Variants in PLA2G4A observed in about 807,000 individuals in gnomAD.
PLA2G4A encodes phospholipase A2 group IVA, also known as cytosolic phospholipase A2.
A neutral mutation model predicts 81.9 loss-of-function variants in PLA2G4A; 40 were observed. The ratio of observed to expected loss-of-function variants is 0.49; its 90% confidence interval spans 0.38 to 0.64. The LOEUF is 0.64. Among genes scored for constraint, PLA2G4A ranks in the 30% least tolerant of loss-of-function variants. PLA2G4A has a pLI of 0.00. For synonymous variants in PLA2G4A, 302 were observed against 296.9 expected, an observed-to-expected ratio of 1.02 and a Z score of -0.18; for missense variants, 715 against 905.1, an observed-to-expected ratio of 0.79 and a Z score of 2.69.
At chr1:186,893,916 CT>C (rs1403445080) in intron 4 of PLA2G4A, among the ~76,000 whole-genome samples, 181 bp from the exon 5 acceptor site, 1 of 70,912 alleles carries the variant, frequency 1.4e-5, no homozygotes, top group Non-Finnish European at 3.5e-5. Flanking sequence ...GAGACCCTGT[CT>C]CAAAAAAAAA....
chr1:186,899,015 C>T (rs974712768), intron 5 of PLA2G4A, among the ~76,000 whole-genome samples: 2 of 152,128 alleles, frequency 1.3e-5, no homozygotes, highest in Non-Finnish European at 2.9e-5. Flanking sequence ...AATCCCTACC[C>T]TCAGGAAACT....
At chr1:186,942,189 T>C (rs2102224399) in intron 10 of PLA2G4A, among the ~76,000 whole-genome samples, 1 of 152,268 alleles carries the variant, frequency 6.6e-6, no homozygotes, top group African/African-American at 2.4e-5. Context: ...GGGTTCATAG[T>C]AGAGAGTTGA....
intron 7 of PLA2G4A, among the ~76,000 whole-genome samples, chr1:186,913,996 T>C (rs1655053228): frequency 6.6e-6 from 1 of 152,196 alleles, no homozygotes; most frequent in African/African-American, 2.4e-5. Context: ...TTAAGGGGAA[T>C]TTTTGCTTAA....
chr1:186,874,730 A>G (rs990686708), intron 3 of PLA2G4A, among the ~76,000 whole-genome samples: 2 of 151,990 alleles, frequency 1.3e-5, no homozygotes, highest in African/African-American at 4.8e-5. Context: ...TCACATTTAT[A>G]CTCTAATAAA....
intron 1 of PLA2G4A, among the ~76,000 whole-genome samples, chr1:186,837,755 AAAAG>A (rs1553267330): frequency 6.8e-6 from 1 of 147,430 alleles, no homozygotes. Flanking sequence ...AAAAAAAAGA[AAAAG>A]AAAAGAAAAA....
intron 17 of PLA2G4A, among the ~76,000 whole-genome samples, chr1:186,986,284 A>G (rs1657889350): frequency 6.6e-6 from 1 of 152,174 alleles, no homozygotes; most frequent in Non-Finnish European, 1.5e-5. Flanking sequence ...AGCAGCAATC[A>G]TTGTCAGTTT....
intron 1 of PLA2G4A, among the ~76,000 whole-genome samples, chr1:186,853,224 TA>T (rs1652436425): frequency 6.6e-6 from 1 of 151,826 alleles, no homozygotes; most frequent in Non-Finnish European, 1.5e-5. Context: ...AAAGTGAGTT[TA>T]AAAACTCAAG....
At chr1:186,830,947 TTGCTTG>T (rs1558338881) in intron 1 of PLA2G4A, among the ~76,000 whole-genome samples, 635 of 44,512 alleles carry the variant, frequency 0.014, 6 homozygotes, top group East Asian at 0.024. Context: ...GCTTGCTTGC[TTGCTTG>T]CTTGCTTTCT....
In PLA2G4A at chr1:186,854,513, A is replaced by G. The variant is rs1454369691; in HGVS notation, c.33+126A>G. 10 of 721,722 alleles carry G rather than the reference A, an allele frequency of 1.4e-5. No individual in the cohort carries two copies. The East Asian group carries it at 2.5e-4, about 18-fold the overall frequency. The allele number at this position is 721,722 out of a possible 1,614,324, so 44.7% of individuals were successfully genotyped here. ...TGCATTTGTTATTAAACTCATATGA[A>G]CTTAATATAATACAAAGAGGCTATG... On this transcript the variant is annotated intron_variant, in intron 2 of 17. Coordinates refer to ENST00000367466, the MANE Select transcript of PLA2G4A (RefSeq NM_024420.3).
intron 10 of PLA2G4A, among the ~76,000 whole-genome samples, chr1:186,942,948 C>T (rs1300403464): frequency 2.0e-5 from 3 of 151,952 alleles, no homozygotes; most frequent in Admixed American, 6.6e-5. Flanking sequence ...GAATCTTGTA[C>T]CCAGATAAGA....
At chr1:186,923,710 G>A (rs1655444397) in intron 7 of PLA2G4A, among the ~76,000 whole-genome samples, 1 of 152,216 alleles carries the variant, frequency 6.6e-6, no homozygotes, top group Admixed American at 6.5e-5. Context: ...ATGCCTTGAG[G>A]TATGAGCTTG....
rs376627454 is a variant in PLA2G4A, at chr1:186,975,962, C to G, written c.1765-1631C>G. On this transcript the variant is annotated intron_variant, in intron 15 of 17. Transcript: ENST00000367466. ...TGTTGATTTATAAACTCCAAATCTT[C>G]AAGGACAGCCTATCTCTTATGCTTA... Among the ~76,000 whole-genome samples, 79 of 152,320 alleles carry G rather than the reference C, an allele frequency of 5.2e-4. 1 individual carries two copies. The South Asian group carries it at 0.015, about 29-fold the overall frequency.
intron 15 of PLA2G4A, among the ~76,000 whole-genome samples, chr1:186,970,243 G>A (rs1004534664): frequency 4.6e-5 from 7 of 151,512 alleles, no homozygotes; most frequent in South Asian, 2.1e-4. Flanking sequence ...TCTTTTGCCC[G>A]TTTAAAAATC....
chr1:186,960,486 C>T (rs1411775213), intron 14 of PLA2G4A, among the ~76,000 whole-genome samples: 1 of 152,168 alleles, frequency 6.6e-6, no homozygotes, highest in Non-Finnish European at 1.5e-5. Flanking sequence ...GATATTCTTC[C>T]ATAACGGCAT....
At chr1:186,901,500 C>G (rs908966725) in intron 5 of PLA2G4A, among the ~76,000 whole-genome samples, 1 of 152,068 alleles carries the variant, frequency 6.6e-6, no homozygotes, top group African/African-American at 2.4e-5. Context: ...TATGAATGCA[C>G]TTACAGGAGG....
At chr1:186,948,782 T>C (rs1315517273) in intron 12 of PLA2G4A, among the ~76,000 whole-genome samples, 1 of 152,108 alleles carries the variant, frequency 6.6e-6, no homozygotes, top group African/African-American at 2.4e-5. Flanking sequence ...GCTTATTGAC[T>C]CGGACTGTGT....
intron 1 of PLA2G4A, among the ~76,000 whole-genome samples, chr1:186,840,048 T>C (rs866122505): frequency 7.2e-6 from 1 of 139,454 alleles, no homozygotes; most frequent in African/African-American, 2.7e-5. Flanking sequence ...CAATCTTGGC[T>C]CACTGCAACC....
intron 1 of PLA2G4A, among the ~76,000 whole-genome samples, chr1:186,854,002 A>G (rs1029883547): frequency 1.9e-4 from 29 of 152,002 alleles, no homozygotes; most frequent in African/African-American, 6.8e-4. Context: ...CATATTTCTC[A>G]TAAAATACTT....
chr1:186,920,792 A>G (rs1030536921), intron 7 of PLA2G4A, among the ~76,000 whole-genome samples: 2 of 152,174 alleles, frequency 1.3e-5, no homozygotes, highest in African/African-American at 4.8e-5. Flanking sequence ...CTAGCCTGGC[A>G]TTCACCTTCT....
Sources: gnomAD v4.1 joint callset for allele counts (sites outside exome capture counted in the v4.1 genomes callset) on GRCh38, gnomAD v4.1.1 for gene constraint, MANE v1.5 for transcripts, NCBI Gene and HGNC (gene_info 2026-07-23, HGNC 2026-07-21) for gene names.